The following TRAPPC12 variants were observed in gnomAD, a reference collection of about 807,000 sequenced individuals.
TRAPPC12 encodes TPR repeat protein 15.
In TRAPPC12, 61 loss-of-function variants were observed where a neutral mutation model predicts 69.2. The observed-to-expected ratio is 0.88, with a 90% CI of 0.72 to 1.09. TRAPPC12 has a LOEUF of 1.09. Ranked by LOEUF, TRAPPC12 falls within the 50% of genes least tolerant of loss-of-function variation. TRAPPC12 has a pLI of 0.00. For synonymous variants in TRAPPC12, 469 were observed against 438.9 expected, an observed-to-expected ratio of 1.07 and a Z score of -0.86; for missense variants, 1,101 against 1,016.4, an observed-to-expected ratio of 1.08 and a Z score of -1.13.
intron 6 of TRAPPC12, among the ~76,000 whole-genome samples, chr2:3,452,038 C>T (rs1366689215): frequency 6.6e-6 from 1 of 152,180 alleles, no homozygotes; most frequent in Non-Finnish European, 1.5e-5. Flanking sequence ...CTGTGGGTCT[C>T]GAGTCCAGCA....
chr2:3,438,609 A>G (rs1262786710), intron 5 of TRAPPC12, among the ~76,000 whole-genome samples: 1 of 95,374 alleles, frequency 1.0e-5, no homozygotes, highest in Non-Finnish European at 2.1e-5. Context: ...TTAATCCCCC[A>G]TCACCCCTGG....
chr2:3,463,735 G>A (rs1057067680), intron 8 of TRAPPC12, among the ~76,000 whole-genome samples: 1 of 151,890 alleles, frequency 6.6e-6, no homozygotes, highest in Non-Finnish European at 1.5e-5. Flanking sequence ...CATCAGTGGC[G>A]TGAGTGGGGC....
intron 8 of TRAPPC12, among the ~76,000 whole-genome samples, chr2:3,464,142 A>G (rs1283156460): frequency 6.6e-6 from 1 of 151,958 alleles, no homozygotes; most frequent in Non-Finnish European, 1.5e-5. Context: ...ACACGTCCAC[A>G]CACACACATG....
intron 8 of TRAPPC12, among the ~76,000 whole-genome samples, chr2:3,462,658 G>A (rs918616154): frequency 6.6e-6 from 1 of 152,242 alleles, no homozygotes; most frequent in African/African-American, 2.4e-5. Context: ...ATAATGCACA[G>A]TGGCATGTAT....
chr2:3,456,214 G>A (rs908759734), intron 6 of TRAPPC12: 8 of 152,212 alleles, frequency 5.3e-5, no homozygotes, highest in African/African-American at 9.7e-5. Flanking sequence ...GCAGCAAATT[G>A]TTCTCCAGTT....
chr2:3,429,671 T>C (rs6738306), intron 5 of TRAPPC12, among the ~76,000 whole-genome samples: 2,473 of 152,294 alleles, frequency 0.016, 93 homozygotes, highest in African/African-American at 0.057. Context: ...ACTGTTTACT[T>C]TTACTTTACT....
At chr2:3,399,529 C>T (rs1017048407) in intron 2 of TRAPPC12, among the ~76,000 whole-genome samples, 3 of 152,144 alleles carry the variant, frequency 2.0e-5, no homozygotes, top group East Asian at 3.8e-4. Flanking sequence ...TGTGAGAAAA[C>T]GTGAGGCTGG....
intron 6 of TRAPPC12, chr2:3,456,996 A>G: frequency 2.3e-6 from 1 of 432,666 alleles, no homozygotes; most frequent in Non-Finnish European, 4.6e-6. Flanking sequence ...CTGGGAGCAG[A>G]GTCCCTCCCC....
At chr2:3,413,654 G>A (rs528786755) in intron 3 of TRAPPC12, among the ~76,000 whole-genome samples, 44 of 152,168 alleles carry the variant, frequency 2.9e-4, no homozygotes, top group African/African-American at 9.9e-4. Context: ...AAGACGACAA[G>A]GATGCATCTG....
Position 3,440,438 on chromosome 2 carries a change from ATT to A in TRAPPC12, c.1418-3339_1418-3338del, listed in dbSNP as rs575259112. Among the ~76,000 whole-genome samples, 174 of 151,908 alleles carry A rather than the reference ATT, an allele frequency of 1.1e-3. 1 individual carries two copies. The East Asian group carries it at 0.021, about 19-fold the overall frequency. ...CATTTTATACGTGGGTATTTCACTT[ATT>A]TATGTAGAAATGATAGTGTGTTTTT... On this transcript the variant is annotated intron_variant, in intron 5 of 11. Coordinates refer to ENST00000324266, the MANE Select transcript of TRAPPC12 (RefSeq NM_016030.6).
chr2:3,429,839 C>A (rs752882586), intron 5 of TRAPPC12, among the ~76,000 whole-genome samples: 1 of 152,172 alleles, frequency 6.6e-6, no homozygotes, highest in Non-Finnish European at 1.5e-5. Flanking sequence ...ATTAAATACT[C>A]GGACCATTAA....
chr2:3,458,391 C>T, intron 7 of TRAPPC12: 14 of 985,894 alleles, frequency 1.4e-5, no homozygotes, highest in Non-Finnish European at 1.6e-5. Flanking sequence ...TGGTCATCTC[C>T]TCCTTCCCAC....
chr2:3,447,069 G>A (rs925249606), intron 6 of TRAPPC12, among the ~76,000 whole-genome samples: 2 of 151,628 alleles, frequency 1.3e-5, no homozygotes, highest in East Asian at 3.9e-4. Flanking sequence ...GAAGCACAGT[G>A]TCAGCATCTG....
At chr2:3,455,872 G>A (rs1160732556) in intron 6 of TRAPPC12, 1 of 152,140 alleles carries the variant, frequency 6.6e-6, no homozygotes, top group Non-Finnish European at 1.5e-5. Flanking sequence ...ATATATCTAG[G>A]CATGGATTGC....
At chr2:3,399,331 C>T (rs1471922310) in intron 2 of TRAPPC12, among the ~76,000 whole-genome samples, 2 of 152,304 alleles carry the variant, frequency 1.3e-5, no homozygotes, top group South Asian at 2.1e-4. Flanking sequence ...CTGAGATGCT[C>T]TTTGTCTGAG....
chr2:3,435,899 A>C (rs528442319), intron 5 of TRAPPC12, among the ~76,000 whole-genome samples: 1 of 152,362 alleles, frequency 6.6e-6, no homozygotes, highest in South Asian at 2.1e-4. Context: ...TACCTGTTTT[A>C]ATTTGATCCT....
At chr2:3,397,417 C>A (rs1170594307) in intron 2 of TRAPPC12, among the ~76,000 whole-genome samples, 1 of 152,026 alleles carries the variant, frequency 6.6e-6, no homozygotes, top group African/African-American at 2.4e-5. Flanking sequence ...AGGACTCTGT[C>A]CATGGCAGAC....
At chr2:3,418,261 C>G (rs997316472) in intron 3 of TRAPPC12, among the ~76,000 whole-genome samples, 1 of 147,670 alleles carries the variant, frequency 6.8e-6, no homozygotes, top group African/African-American at 2.6e-5. Flanking sequence ...TCACAATAAT[C>G]AGTCATGAAA....
chr2:3,421,768 TG>T, intron 3 of TRAPPC12, 112 bp from the exon 4 acceptor site: 1 of 937,490 alleles, frequency 1.1e-6, no homozygotes, highest in Non-Finnish European at 1.7e-6. Flanking sequence ...AACGGCTGGC[TG>T]GCGCTGCTTC....
Sources: allele counts gnomAD v4.1 joint callset (sites outside exome capture counted in the v4.1 genomes callset), GRCh38; gene constraint gnomAD v4.1.1; transcripts MANE v1.5; gene names NCBI Gene and HGNC (gene_info 2026-07-23, HGNC 2026-07-21).